Variants in DUSP16 observed in about 807,000 individuals in gnomAD.
DUSP16 encodes dual specificity phosphatase 16.
A neutral mutation model predicts 58.3 loss-of-function variants in DUSP16; 21 were observed. That is an observed-to-expected ratio of 0.36 (90% CI 0.26 to 0.52). DUSP16 has a LOEUF of 0.52. Ranked by LOEUF, DUSP16 falls within the 20% of genes least tolerant of loss-of-function variation. The pLI is 0.94. For synonymous variants in DUSP16, 320 were observed against 323.8 expected (o/e 0.99, Z 0.12); for missense variants, 726 against 819.0 (o/e 0.89, Z 1.39).
chr12:12,538,914 G>C (rs1944509839), intron 1 of DUSP16, among the ~76,000 whole-genome samples: 1 of 152,298 alleles, frequency 6.6e-6, no homozygotes. Flanking sequence ...GCTAAAAAGG[G>C]AACAACTCAG....
At chr12:12,546,581 C>A (rs61913559) in intron 1 of DUSP16, among the ~76,000 whole-genome samples, 36,648 of 152,018 alleles carry the variant, frequency 0.24, 5,103 homozygotes, top group Non-Finnish European at 0.29. Flanking sequence ...CAAGACCTGG[C>A]AATAGGCCAG....
At chr12:12,546,573 A>G (rs1041591870) in intron 1 of DUSP16, among the ~76,000 whole-genome samples, 5 of 152,210 alleles carry the variant, frequency 3.3e-5, no homozygotes, top group Non-Finnish European at 7.3e-5. Context: ...TGGTCAATCA[A>G]GACCTGGCAA....
In DUSP16 at chr12:12,500,620, G is replaced by A. The variant is rs1448828744; in HGVS notation, c.430C>T (p.Pro144Ser). 1 of 1,609,936 alleles carries A rather than the reference G, an allele frequency of 6.2e-7. No individual in the cohort carries two copies. The highest frequency in any genetic ancestry group is 2.2e-5 in the East Asian group (1 of 44,472). The stretch of plus-strand genomic sequence containing the variant: ...AAGCAAGGCTGAGAAATGCAGGTAG[G>A]GACTAGAGTGGATTTTCCTTCACAG... ...GLCEGKSTLV[P>S]TCISQPCLPV... The change falls in exon 4 of 7, where the codon CCT (proline) becomes TCT (serine). Residue 144 changes from proline to serine, a missense_variant. Coordinates refer to ENST00000298573, the MANE Select transcript of DUSP16 (RefSeq NM_030640.3).
chr12:12,522,942 A>G (rs1032189138), intron 1 of DUSP16, among the ~76,000 whole-genome samples: 2 of 152,210 alleles, frequency 1.3e-5, no homozygotes, highest in Non-Finnish European at 2.9e-5. Flanking sequence ...TACTCAATAT[A>G]TTATTATAGT....
At position 12,519,913 on chromosome 12, in the gene DUSP16, C is replaced by T. The variant is rs752306930; in HGVS notation, c.316G>A (p.Val106Ile). 6.2e-7 allele frequency: 1 copy of T among 1,613,916 alleles called. No individual in the cohort carries two copies. The highest frequency in any genetic ancestry group is 1.3e-5 in the African/African-American group (1 of 74,906). The change falls in exon 3 of 7, where the codon GTA (valine) becomes ATA (isoleucine). Residue 106 changes from valine to isoleucine, a missense_variant. Coordinates refer to ENST00000298573, the MANE Select transcript of DUSP16 (RefSeq NM_030640.3). ...ASLSSDCFLT[V>I]LLGKLEKSFN... ...CTCTTCTCCAGTTTACCCAGAAGTA[C>T]AGTGAGAAAACAGTCTGAAGAGAGA... is the stretch of plus-strand genomic sequence containing the variant.
rs779311638 is a variant in DUSP16, at chr12:12,480,296, T to C, written c.742A>G (p.Ile248Val). Residue 248 changes from isoleucine to valine, a missense_variant, in exon 6 of 7, where the codon ATC (isoleucine) becomes GTC (valine). Coordinates refer to ENST00000298573, the MANE Select transcript of DUSP16 (RefSeq NM_030640.3). ...GCVLVHCLAG[I>V]SRSATIAIAY... is the part of the protein sequence containing the mutation. ...ATAGCGATGGTGGCGGAGCGGGAGA[T>C]CCCAGCTAAACAGTGCACTAGAACA... The C allele has an allele frequency of 6.2e-7, 1 of 1,614,192 alleles. No homozygotes were observed. The highest frequency in any genetic ancestry group is 1.7e-5 in the Admixed American group (1 of 60,022).
rs200810536 is a variant in DUSP16, at chr12:12,541,875, ACAG to A, written c.-366+20239_-366+20241del. 2.6e-3 allele frequency among the ~76,000 whole-genome samples: 390 copies of A among 152,276 alleles called. 7 individuals are homozygous for A. In the East Asian group the frequency reaches 0.042, roughly 16 times the overall value. ...CACAAAAACTTGTATAAAAATGTTC[ACAG>A]CAGATTTATAAACAGCCAAAAAAAT... On this transcript the variant is annotated intron_variant, in intron 1 of 6. Coordinates refer to ENST00000298573, the MANE Select transcript of DUSP16 (RefSeq NM_030640.3).
chr12:12,505,407 C>T (rs10845562), intron 3 of DUSP16, among the ~76,000 whole-genome samples: 45,773 of 152,076 alleles, frequency 0.3, 7,509 homozygotes, highest in Non-Finnish European at 0.35. Flanking sequence ...GAAGAAGATC[C>T]GACAAGAACA....
intron 1 of DUSP16, among the ~76,000 whole-genome samples, chr12:12,554,319 A>G (rs887795400): frequency 1.3e-5 from 2 of 151,754 alleles, no homozygotes; most frequent in African/African-American, 4.8e-5. Context: ...CATGCTACCT[A>G]AGCTGGTCTC....
rs753597139 is a variant in DUSP16 at position 12,512,907 on chromosome 12, G to C, written c.367+6955C>G. ...AGAAGAAACACCAAACTAGATAACA[G>C]AATTTATGGTAATAGCACAAAGAGC... On this transcript the variant is annotated intron_variant, in intron 3 of 6. Transcript: ENST00000298573. Among the ~76,000 whole-genome samples, 36 of 152,214 alleles carry C rather than the reference G, an allele frequency of 2.4e-4. No individual in the cohort carries two copies. In the East Asian group the frequency reaches 3.5e-3, roughly 15 times the overall value.
chr12:12,478,495 T>C (rs1333940684), intron 6 of DUSP16, among the ~76,000 whole-genome samples: 1 of 152,114 alleles, frequency 6.6e-6, no homozygotes, highest in Non-Finnish European at 1.5e-5. Flanking sequence ...CTTGGCTAAT[T>C]TTAATTTTTA....
chr12:12,541,500 G>A (rs76901717), intron 1 of DUSP16, among the ~76,000 whole-genome samples: 9,857 of 152,254 alleles, frequency 0.065, 480 homozygotes, highest in East Asian at 0.21. Flanking sequence ...TATCTTATTG[G>A]AAGGCCCAGT....
Position 12,529,027 on chromosome 12 carries a change from T to TAAAA in DUSP16, c.-365-7568_-365-7565dup, listed in dbSNP as rs373598432. Among the ~76,000 whole-genome samples the TAAAA allele has an allele frequency of 4.0e-3, 610 of 152,294 alleles. 3 individuals are homozygous for TAAAA. Among genetic ancestry groups the TAAAA allele is most frequent in the African/African-American group, 0.014 (571 of 41,560 alleles). On this transcript the variant is annotated intron_variant, in intron 1 of 6. Transcript: ENST00000298573. ...TAATGCTGAATTGGGCAAATACCAA[T>TAAAA]AAAAGATGTGGCAGGTGTTCATGCT...
intron 3 of DUSP16, among the ~76,000 whole-genome samples, chr12:12,515,730 A>G (rs1944140017): frequency 6.6e-6 from 1 of 152,106 alleles, no homozygotes. Context: ...TTGAAAAAAA[A>G]AGGAAACAAT....
At chr12:12,486,088 T>G (rs1943677839) in intron 5 of DUSP16, among the ~76,000 whole-genome samples, 1 of 152,152 alleles carries the variant, frequency 6.6e-6, no homozygotes, top group African/African-American at 2.4e-5. Context: ...CCACCGCGCC[T>G]GGCCAATTCC....
At chr12:12,495,491 T>A (rs1312919708) in intron 4 of DUSP16, among the ~76,000 whole-genome samples, 1 of 152,192 alleles carries the variant, frequency 6.6e-6, no homozygotes, top group Non-Finnish European at 1.5e-5. Context: ...ATTCACAACT[T>A]TTCTCCCTTG....
At chr12:12,509,544 C>T (rs1039012950) in intron 3 of DUSP16, among the ~76,000 whole-genome samples, 2 of 151,888 alleles carry the variant, frequency 1.3e-5, no homozygotes, top group African/African-American at 4.8e-5. Flanking sequence ...CTTAGAGGCT[C>T]TATAAAATTT....
At position 12,476,557 on chromosome 12, in the gene DUSP16, G is replaced by A. The variant is rs1943439506; in HGVS notation, c.*276C>T. The A allele has an allele frequency of 1.3e-5, 4 of 304,780 alleles. No individual in the cohort carries two copies. Among genetic ancestry groups the A allele is most frequent in the Non-Finnish European group, 2.4e-5 (4 of 167,384 alleles). The allele number at this position is 304,780 out of a possible 1,614,324, so 18.9% of individuals were successfully genotyped here. On this transcript the variant is annotated 3_prime_UTR_variant, in exon 7 of 7. Coordinates refer to ENST00000298573, the MANE Select transcript of DUSP16 (RefSeq NM_030640.3). ...AAGACACTTGCTTTTTTAAGAACAA[G>A]AGGATGTGTAATTCACTGAATAAAA...
chr12:12,534,305 G>A, intron 1 of DUSP16, among the ~76,000 whole-genome samples: 1 of 152,202 alleles, frequency 6.6e-6, no homozygotes, highest in East Asian at 1.9e-4. Flanking sequence ...GGCCCTGGAA[G>A]TTAATGATAT....
Sources: allele counts gnomAD v4.1 joint callset (sites outside exome capture counted in the v4.1 genomes callset), GRCh38; gene constraint gnomAD v4.1.1; transcripts MANE v1.5; gene names NCBI Gene and HGNC (gene_info 2026-07-23, HGNC 2026-07-21).